EFCAB3: variants seen among roughly 807,000 people sequenced by gnomAD.
EFCAB3 encodes EF-hand calcium binding domain 3.
In EFCAB3, 36 loss-of-function variants were observed where a neutral mutation model predicts 42.2. The ratio of observed to expected loss-of-function variants is 0.85; its 90% CI spans 0.65 to 1.13. The LOEUF (loss-of-function observed/expected upper bound fraction) is 1.13. Ranked by LOEUF, EFCAB3 falls within the 50% of genes most tolerant of loss-of-function variation. EFCAB3 has a pLI of 0.00. For synonymous variants in EFCAB3, 170 were observed against 172.8 expected (o/e 0.98, Z 0.13); for missense variants, 418 against 505.1 (o/e 0.83, Z 1.65).
chr17:62,410,785 G>A (rs1221922057), intron 8 of EFCAB3, among the ~76,000 whole-genome samples: 1 of 152,060 alleles, frequency 6.6e-6, no homozygotes, highest in Non-Finnish European at 1.5e-5. Flanking sequence ...TTGGGATTGG[G>A]GTTTAGATGC....
At chr17:62,403,080 G>A (rs2070418170) in intron 6 of EFCAB3, among the ~76,000 whole-genome samples, 1 of 152,154 alleles carries the variant, frequency 6.6e-6, no homozygotes, top group Non-Finnish European at 1.5e-5. Flanking sequence ...TTTGCGTAGA[G>A]GTGTTTATAG....
intron 6 of EFCAB3, among the ~76,000 whole-genome samples, chr17:62,403,823 A>AT (rs762221468): frequency 6.6e-6 from 1 of 152,072 alleles, no homozygotes; most frequent in South Asian, 2.1e-4. Flanking sequence ...TAATCTTTGT[A>AT]TTTTTTTGTA....
At chr17:62,380,191 G>A (rs1239438481), upstream of EFCAB3, among the ~76,000 whole-genome samples, 1 of 152,118 alleles carries the variant, frequency 6.6e-6, no homozygotes, top group Admixed American at 6.6e-5. Flanking sequence ...TAATAGAGAT[G>A]AGGGTTTCAT....
At position 62,387,435 on chromosome 17, in the gene EFCAB3, A is replaced by C. The variant is rs1210120270; in HGVS notation, c.151+19A>C. On this transcript the variant is annotated intron_variant, in intron 3 of 9. Coordinates refer to ENST00000305286, the MANE Select transcript of EFCAB3 (RefSeq NM_173503.4). ...ATGGCAGGTAATGAGAATCATCCTC[A>C]AAATTGAAGCATAACAGCTCCTTAA... 1.9e-6 allele frequency: 3 copies of C among 1,598,332 alleles called. No homozygotes were observed. The highest frequency in any genetic ancestry group is 2.7e-5 in the African/African-American group (2 of 73,424).
At chr17:62,395,321 C>A (rs1244329624) in intron 6 of EFCAB3, 133 bp downstream of exon 6, 3 of 1,152,840 alleles carry the variant, frequency 2.6e-6, no homozygotes, top group Non-Finnish European at 3.6e-6. Context: ...GGTATCTGGG[C>A]AAATGCCCTT....
At chr17:62,412,627 G>A (rs2070509261) in intron 8 of EFCAB3, among the ~76,000 whole-genome samples, 1 of 151,758 alleles carries the variant, frequency 6.6e-6, no homozygotes, top group Non-Finnish European at 1.5e-5. Flanking sequence ...ACCATGCCCA[G>A]CTAGTTTTTG....
chr17:62,370,465 A>G (rs2070106782), intron 1 of EFCAB3: 1 of 764,584 alleles, frequency 1.3e-6, no homozygotes, highest in Non-Finnish European at 2.2e-6. Flanking sequence ...GACTAGCCTG[A>G]TCAGCACAGT....
upstream of EFCAB3, among the ~76,000 whole-genome samples, chr17:62,377,042 T>TAG (rs111680352): frequency 3.3e-4 from 49 of 149,244 alleles, no homozygotes; most frequent in South Asian, 6.3e-4. Flanking sequence ...AGCCAAGCAA[T>TAG]AGAGAGAGAG....
chr17:62,391,796 T>A (rs927920303), intron 3 of EFCAB3, 26 bp from the exon 4 acceptor site: 3 of 1,611,148 alleles, frequency 1.9e-6, no homozygotes, highest in Admixed American at 3.3e-5. Flanking sequence ...ACAACTGTCC[T>A]GAATAACTTA....
intron 3 of EFCAB3, among the ~76,000 whole-genome samples, chr17:62,388,724 A>G (rs183656432): frequency 6.6e-6 from 1 of 152,316 alleles, no homozygotes; most frequent in African/African-American, 2.4e-5. Context: ...CAACTTTCCT[A>G]TGAGAGGTTA....
At chr17:62,381,604 C>T (rs1454044794) in intron 1 of EFCAB3, 1 of 176,982 alleles carries the variant, frequency 5.7e-6, no homozygotes, top group East Asian at 1.8e-4. Context: ...GGCTTTTCCT[C>T]CCTGACTCCA....
intron 6 of EFCAB3, among the ~76,000 whole-genome samples, chr17:62,402,963 C>G (rs2070416775): frequency 6.6e-6 from 1 of 152,190 alleles, no homozygotes; most frequent in Admixed American, 6.5e-5. Context: ...GCCTCAATTT[C>G]AGAGCCTGTT....
chr17:62,411,596 C>T (rs1233565369), intron 8 of EFCAB3, among the ~76,000 whole-genome samples: 3 of 151,948 alleles, frequency 2.0e-5, no homozygotes, highest in Non-Finnish European at 4.4e-5. Context: ...TGATGAAACC[C>T]CATCTGTACT....
intron 6 of EFCAB3, among the ~76,000 whole-genome samples, chr17:62,403,980 C>A (rs1044417455): frequency 6.6e-6 from 1 of 152,148 alleles, no homozygotes; most frequent in African/African-American, 2.4e-5. Context: ...CTCTCACACC[C>A]TAGATTACAT....
At chr17:62,410,559 GC>G (rs2070486593) in intron 8 of EFCAB3, among the ~76,000 whole-genome samples, 1 of 151,908 alleles carries the variant, frequency 6.6e-6, no homozygotes, top group African/African-American at 2.4e-5. Flanking sequence ...TTCGAGACCA[GC>G]CTAGGCAGCA....
intron 1 of EFCAB3, chr17:62,381,769 C>A: frequency 5.0e-6 from 2 of 402,990 alleles, no homozygotes; most frequent in Non-Finnish European, 9.8e-6. Context: ...GGCATCGAGG[C>A]GGACGACGAC....
intron 8 of EFCAB3, among the ~76,000 whole-genome samples, chr17:62,412,612 G>A (rs942696509): frequency 2.6e-5 from 4 of 151,698 alleles, no homozygotes; most frequent in East Asian, 3.9e-4. Flanking sequence ...CTACAGACAC[G>A]TGCCACCATG....
At chr17:62,385,390 CA>C (rs1317619221) in intron 2 of EFCAB3, among the ~76,000 whole-genome samples, 1 of 152,118 alleles carries the variant, frequency 6.6e-6, no homozygotes, top group Non-Finnish European at 1.5e-5. Flanking sequence ...TGCAGTGAGC[CA>C]CGATCACATC....
At chr17:62,384,521 G>T (rs999699158) in intron 2 of EFCAB3, among the ~76,000 whole-genome samples, 1 of 152,134 alleles carries the variant, frequency 6.6e-6, no homozygotes. Flanking sequence ...GGGCTGAGGT[G>T]GGAGGATTGC....
Sources: gnomAD v4.1 joint callset for allele counts (sites outside exome capture counted in the v4.1 genomes callset) on GRCh38, gnomAD v4.1.1 for gene constraint, MANE v1.5 for transcripts, NCBI Gene and HGNC (gene_info 2026-07-23, HGNC 2026-07-21) for gene names.